THRB: variants seen among roughly 807,000 people sequenced by gnomAD.
The protein encoded by THRB is thyroid hormone receptor beta.
In THRB, 12 loss-of-function variants were observed where a neutral mutation model predicts 47.8. The ratio of observed to expected loss-of-function variants is 0.25; its 90% CI spans 0.16 to 0.41. The LOEUF (loss-of-function observed/expected upper bound fraction) is 0.41. Ranked by LOEUF, THRB falls within the 10% of genes least tolerant of loss-of-function variation. The pLI, the probability that THRB is intolerant of heterozygous loss-of-function variation, is 1.00. For synonymous variants in THRB, 218 were observed against 212.2 expected, an observed-to-expected ratio of 1.03 and a Z score of -0.24; for missense variants, 348 against 589.2, an observed-to-expected ratio of 0.59 and a Z score of 4.24.
intron 1 of THRB, among the ~76,000 whole-genome samples, chr3:24,373,168 A>G (rs779530030): frequency 6.6e-6 from 1 of 152,116 alleles, no homozygotes; most frequent in Non-Finnish European, 1.5e-5. Flanking sequence ...GAAAACCCCA[A>G]CAAAGACCAA....
At chr3:24,434,597 C>T (rs1674995785) in intron 1 of THRB, among the ~76,000 whole-genome samples, 1 of 152,164 alleles carries the variant, frequency 6.6e-6, no homozygotes, top group Non-Finnish European at 1.5e-5. Context: ...TTGAACTCAG[C>T]ATAGGGTGGG....
intron 1 of THRB, among the ~76,000 whole-genome samples, chr3:24,341,055 C>T (rs2149456722): frequency 6.6e-6 from 1 of 151,920 alleles, no homozygotes; most frequent in Middle Eastern, 3.4e-3. Flanking sequence ...CAAGCCATCA[C>T]ATTATATCTT....
chr3:24,411,883 A>G (rs879786525), intron 1 of THRB, among the ~76,000 whole-genome samples: 2 of 151,830 alleles, frequency 1.3e-5, no homozygotes, highest in Admixed American at 6.6e-5. Flanking sequence ...ATCAGAATGC[A>G]GGGATCTGAT....
chr3:24,493,952 T>A (rs908344337), intron 1 of THRB: 1 of 152,162 alleles, frequency 6.6e-6, no homozygotes, highest in Non-Finnish European at 1.5e-5. Context: ...GGTCACACAG[T>A]TGGCACAATT....
At chr3:24,416,902 T>C (rs2068780601) in intron 1 of THRB, among the ~76,000 whole-genome samples, 1 of 151,932 alleles carries the variant, frequency 6.6e-6, no homozygotes, top group African/African-American at 2.4e-5. Flanking sequence ...AGTTTATTTC[T>C]AACTGCTTTG....
At chr3:24,213,337 A>G (rs914062688) in intron 4 of THRB, among the ~76,000 whole-genome samples, 10 of 152,218 alleles carry the variant, frequency 6.6e-5, no homozygotes, top group African/African-American at 2.4e-4. Context: ...AGGGTCAGGA[A>G]GCAAAGCACA....
At chr3:24,133,220 AC>A in intron 9 of THRB, 95 bp downstream of exon 9, 1 of 1,389,822 alleles carries the variant, frequency 7.2e-7, no homozygotes, top group Non-Finnish European at 1.0e-6. Context: ...TTAAGTCCCT[AC>A]TAATTAACAT....
At chr3:24,244,015 G>C (rs532933423) in intron 3 of THRB, among the ~76,000 whole-genome samples, 1 of 151,842 alleles carries the variant, frequency 6.6e-6, no homozygotes, top group Admixed American at 6.6e-5. Flanking sequence ...CAATGTCTAG[G>C]TTAAAAAAAA....
chr3:24,447,322 A>G (rs1300198433), intron 1 of THRB, among the ~76,000 whole-genome samples: 2 of 152,184 alleles, frequency 1.3e-5, no homozygotes, highest in African/African-American at 4.8e-5. Flanking sequence ...GTAATGATGA[A>G]CTAGGCTTAG....
intron 8 of THRB, among the ~76,000 whole-genome samples, chr3:24,142,867 A>C (rs182971042): frequency 6.6e-6 from 1 of 152,360 alleles, no homozygotes; most frequent in Admixed American, 6.5e-5. Flanking sequence ...TGAAGTCTGA[A>C]TAAAAAATGA....
At chr3:24,223,354 A>G (rs2047349742) in intron 4 of THRB, among the ~76,000 whole-genome samples, 1 of 152,248 alleles carries the variant, frequency 6.6e-6, no homozygotes, top group African/African-American at 2.4e-5. Flanking sequence ...GTGCTAACAC[A>G]TTCCAAAGAG....
chr3:24,190,049 A>G (rs1387944841), intron 5 of THRB, 25 bp downstream of exon 5: 1 of 1,612,132 alleles, frequency 6.2e-7, no homozygotes, highest in African/African-American at 1.3e-5. Context: ...AACACATGAT[A>G]ATGGGCTAAT....
At chr3:24,159,818 G>A (rs142554430) in intron 5 of THRB, among the ~76,000 whole-genome samples, 313 of 151,804 alleles carry the variant, frequency 2.1e-3, no homozygotes, top group Non-Finnish European at 2.9e-3. Flanking sequence ...GATGCTAAAC[G>A]TCCTACAATG....
chr3:24,266,841 A>G (rs551231136), intron 3 of THRB, among the ~76,000 whole-genome samples: 1 of 152,232 alleles, frequency 6.6e-6, no homozygotes, highest in East Asian at 1.9e-4. Flanking sequence ...CATAAATAAG[A>G]TGAAAAGATA....
intron 1 of THRB, among the ~76,000 whole-genome samples, chr3:24,387,799 G>A (rs1167493978): frequency 1.3e-5 from 2 of 152,094 alleles, no homozygotes; most frequent in South Asian, 2.1e-4. Context: ...GAATTCCTCA[G>A]GGGGTTTAGG....
chr3:24,196,534 C>A (rs1400097484), intron 4 of THRB, among the ~76,000 whole-genome samples: 1 of 152,128 alleles, frequency 6.6e-6, no homozygotes, highest in Non-Finnish European at 1.5e-5. Flanking sequence ...ACCTCTCTTC[C>A]CTTGCCTTAC....
intron 1 of THRB, among the ~76,000 whole-genome samples, chr3:24,485,781 A>G (rs184179849): frequency 2.0e-5 from 3 of 152,276 alleles, no homozygotes; most frequent in Admixed American, 2.0e-4. Flanking sequence ...TCCCACCCCT[A>G]TGGGTTCCCA....
chr3:24,215,887 G>T (rs1448081102), intron 4 of THRB, among the ~76,000 whole-genome samples: 2 of 152,204 alleles, frequency 1.3e-5, no homozygotes, highest in Non-Finnish European at 2.9e-5. Context: ...AGATGGGGAT[G>T]TAAGAAGGAA....
At chr3:24,229,322 A>G (rs1209602044) in intron 3 of THRB, among the ~76,000 whole-genome samples, 2 of 152,214 alleles carry the variant, frequency 1.3e-5, no homozygotes, top group African/African-American at 4.8e-5. Flanking sequence ...GCTAAGATGT[A>G]TTAGCATCTC....
Sources: gnomAD v4.1 joint callset for allele counts (sites outside exome capture counted in the v4.1 genomes callset) on GRCh38, gnomAD v4.1.1 for gene constraint, MANE v1.5 for transcripts, NCBI Gene and HGNC (gene_info 2026-07-23, HGNC 2026-07-21) for gene names.